The following SEC61A1 variants were observed in gnomAD, a reference collection of about 807,000 sequenced individuals.
SEC61A1 encodes protein transport protein Sec61 subunit alpha isoform 1.
SEC61A1 carries 15 observed loss-of-function variants against 55.2 expected under a neutral mutation model. The observed-to-expected ratio is 0.27, with a 90% CI of 0.18 to 0.42. SEC61A1 has a LOEUF of 0.42. Among genes scored for constraint, SEC61A1 ranks in the 10% least tolerant of loss-of-function variants. The probability of loss-of-function intolerance (pLI) is 1.00; values close to 1 mark genes in which losing one functional copy is unlikely to be tolerated. For synonymous variants in SEC61A1, 247 were observed against 234.0 expected (o/e 1.06, Z -0.51); for missense variants, 284 against 602.6 (o/e 0.47, Z 5.53).
rs564731266 is a variant in SEC61A1 at position 128,053,792 on chromosome 3, A to G, written c.75+890A>G. The stretch of plus-strand genomic sequence containing the variant: ...CCCACCCTTTACATAGCACCTTAAT[A>G]GCTATGTGACCTTGGCCTTGTAACT... On this transcript the variant is annotated intron_variant, in intron 2 of 11. Coordinates refer to ENST00000243253, the MANE Select transcript of SEC61A1 (RefSeq NM_013336.4). Among the ~76,000 whole-genome samples, 3 of 152,340 alleles carry G rather than the reference A, an allele frequency of 2.0e-5. No individual in the cohort carries two copies. In the East Asian group the frequency reaches 5.8e-4, roughly 29 times the overall value.
At chr3:128,060,027 A>G (rs1941830895) in intron 5 of SEC61A1, 75 bp from the exon 6 acceptor site, 1 of 1,078,860 alleles carries the variant, frequency 9.3e-7, no homozygotes, top group African/African-American at 1.6e-5. Flanking sequence ...CTGGCGTTGA[A>G]TTGGTGTTTC....
intron 7 of SEC61A1, among the ~76,000 whole-genome samples, chr3:128,061,119 T>C (rs963621897): frequency 2.6e-5 from 4 of 152,236 alleles, no homozygotes; most frequent in African/African-American, 9.6e-5. Context: ...GGCAGCTTTC[T>C]GAAAAAGGCC....
chr3:128,063,776 G>A (rs993046095), intron 7 of SEC61A1, among the ~76,000 whole-genome samples: 1 of 152,182 alleles, frequency 6.6e-6, no homozygotes, highest in East Asian at 1.9e-4. Context: ...TTATGGGATG[G>A]TTATGCTGTC....
intron 5 of SEC61A1, among the ~76,000 whole-genome samples, chr3:128,059,276 A>T (rs1941819764): frequency 6.6e-6 from 1 of 152,118 alleles, no homozygotes; most frequent in Non-Finnish European, 1.5e-5. Flanking sequence ...GTTGGAGACC[A>T]TCCTGGCTAA....
At chr3:128,064,808 CT>C (rs2107647369) in intron 7 of SEC61A1, 68 bp from the exon 8 acceptor site, 1 of 1,393,118 alleles carries the variant, frequency 7.2e-7, no homozygotes, top group Middle Eastern at 2.3e-4. Context: ...TATTTGTCTG[CT>C]AAGAAGGCTA....
chr3:128,060,845 T>C (rs1397171239), intron 7 of SEC61A1, among the ~76,000 whole-genome samples, 184 bp downstream of exon 7: 1 of 152,248 alleles, frequency 6.6e-6, no homozygotes, highest in Non-Finnish European at 1.5e-5. Context: ...ATTATGATGA[T>C]ACCTAACTTG....
intron 4 of SEC61A1, among the ~76,000 whole-genome samples, chr3:128,056,316 T>C (rs1050214939): frequency 6.6e-6 from 1 of 152,246 alleles, no homozygotes; most frequent in Non-Finnish European, 1.5e-5. Flanking sequence ...TAGAGGCTTA[T>C]TCACAACTAG....
chr3:128,054,816 C>T (rs555578055), intron 2 of SEC61A1, among the ~76,000 whole-genome samples: 1 of 152,322 alleles, frequency 6.6e-6, no homozygotes, highest in East Asian at 1.9e-4. Flanking sequence ...TCCCACTCTA[C>T]TCTTTAGTGA....
At chr3:128,066,855 C>A in intron 8 of SEC61A1, 99 bp from the exon 9 acceptor site, 1 of 1,150,532 alleles carries the variant, frequency 8.7e-7, no homozygotes, top group Non-Finnish European at 1.3e-6. Flanking sequence ...AGGATTTCCT[C>A]CCTTGTGGCC....
At chr3:128,065,066 T>G (rs1553721977) in intron 8 of SEC61A1, 29 bp downstream of exon 8, 1 of 1,612,374 alleles carries the variant, frequency 6.2e-7, no homozygotes, top group Non-Finnish European at 8.5e-7. Flanking sequence ...CCAGGGAGTT[T>G]CCATGGTCTG....
chr3:128,065,256 C>T, intron 8 of SEC61A1: 4 of 630,968 alleles, frequency 6.3e-6, no homozygotes, highest in Non-Finnish European at 5.7e-6. Context: ...GCAGTTCTAA[C>T]GTAAGTGAAA....
chr3:128,052,258 C>T (rs1941691617), upstream of SEC61A1: 1 of 297,214 alleles, frequency 3.4e-6, no homozygotes, highest in Non-Finnish European at 5.9e-6. Flanking sequence ...CGCCAGGCCC[C>T]TTCCCGACAG....
In SEC61A1 at chr3:128,066,940, G is replaced by T; in HGVS notation, c.778-14G>T. 1 of 1,614,150 alleles carries T rather than the reference G, an allele frequency of 6.2e-7. No individual in the cohort carries two copies. The highest frequency in any genetic ancestry group is 1.7e-5 in the Admixed American group (1 of 60,020). On this transcript the variant is annotated splice_polypyrimidine_tract_variant and intron_variant, in intron 8 of 11. Coordinates refer to ENST00000243253, the MANE Select transcript of SEC61A1 (RefSeq NM_013336.4). Reference sequence around the variant, plus strand: ...GAGGCAGTGAAGGGGATTTGGTTCTGTTTGGCTTCTCAGGGCTTCCGAGTG... The same window carrying T: ...GAGGCAGTGAAGGGGATTTGGTTCTTTTTGGCTTCTCAGGGCTTCCGAGTG...
At position 128,067,846 on chromosome 3, in the gene SEC61A1, T is replaced by C; in HGVS notation, c.1168-137T>C. 1 of 764,688 alleles carries C rather than the reference T, an allele frequency of 1.3e-6. No individual in the cohort carries two copies. Among genetic ancestry groups the C allele is most frequent in the Admixed American group, 2.2e-5 (1 of 46,498 alleles). 47.4% of individuals were successfully genotyped at this position (764,688 alleles called of 1,614,324 possible). ...AGTTAGACTTTTTCATATGACTTCC[T>C]TGCGGCAGTTTTAAAGTTCTCTGTA... On this transcript the variant is annotated intron_variant, in intron 10 of 11. Transcript: ENST00000243253. The surrounding 1 kb of genome is among the most constrained non-coding windows in gnomAD (Gnocchi z 4.1).
At chr3:128,066,642 T>C (rs914216037) in intron 8 of SEC61A1, 2 of 378,992 alleles carry the variant, frequency 5.3e-6, no homozygotes, top group Non-Finnish European at 4.8e-6. Flanking sequence ...CAGGCTGGTA[T>C]CGAACTTCTG....
Position 128,069,916 on chromosome 3 carries a change from T to TC in SEC61A1, c.*254_*255insC. 6.6e-6 allele frequency: 3 copies of TC among 454,174 alleles called. No individual in the cohort carries two copies. Among genetic ancestry groups the TC allele is most frequent in the Non-Finnish European group, 7.9e-6 (2 of 254,062 alleles). The allele number at this position is 454,174 out of a possible 1,614,324, so 28.1% of individuals were successfully genotyped here. On this transcript the variant is annotated 3_prime_UTR_variant, in exon 12 of 12. Coordinates refer to ENST00000243253, the MANE Select transcript of SEC61A1 (RefSeq NM_013336.4). ...CCAGAGAAGTGGGAATGGTATAGGA[T>TC]TGTCCCCAAGTGTCCATGTAACTTT...
rs191537712 is a variant in SEC61A1, at chr3:128,065,373, T to A, written c.777+336T>A. On this transcript the variant is annotated intron_variant, in intron 8 of 11. Coordinates refer to ENST00000243253, the MANE Select transcript of SEC61A1 (RefSeq NM_013336.4). Reference sequence around the variant, plus strand: ...GCTCTGAAACCTCATTGCTCTCTTATAGAAAGTTTGTATGATATTTATAGG... The same window carrying A: ...GCTCTGAAACCTCATTGCTCTCTTAAAGAAAGTTTGTATGATATTTATAGG... The A allele has an allele frequency of 2.3e-5, 13 of 567,846 alleles. No homozygotes were observed. The Admixed American group carries it at 4.6e-4, about 20-fold the overall frequency. The allele number at this position is 567,846 out of a possible 1,614,324, so 35.2% of individuals were successfully genotyped here.
chr3:128,055,659 T>C lies in SEC61A1; in HGVS notation c.142-14T>C. 1 of 1,613,724 alleles carries C rather than the reference T, an allele frequency of 6.2e-7. No individual in the cohort carries two copies. The highest frequency in any genetic ancestry group is 8.5e-7 in the Non-Finnish European group (1 of 1,179,606). On this transcript the variant is annotated splice_polypyrimidine_tract_variant and intron_variant, in intron 3 of 11. Coordinates refer to ENST00000243253, the MANE Select transcript of SEC61A1 (RefSeq NM_013336.4). ...ACAGGAGTGCTGACTGTTTTGCTCT[T>C]TGCCTGTTCCCAGATTCCCCTGTTT...
chr3:128,065,105 A>C (rs1306053623), intron 8 of SEC61A1, 68 bp downstream of exon 8: 3 of 1,494,216 alleles, frequency 2.0e-6, no homozygotes, highest in Non-Finnish European at 1.9e-6. Flanking sequence ...CCTTGTGTGC[A>C]GTCCCCCACT....
Sources: allele counts gnomAD v4.1 joint callset (sites outside exome capture counted in the v4.1 genomes callset), GRCh38; gene constraint gnomAD v4.1.1; non-coding constraint Gnocchi (gnomAD v3.1); transcripts MANE v1.5; gene names NCBI Gene and HGNC (gene_info 2026-07-23, HGNC 2026-07-21).